FAM135A: variants seen among roughly 807,000 people sequenced by gnomAD.
FAM135A encodes the protein protein FAM135A.
FAM135A carries 79 observed loss-of-function variants against 146.8 expected under a neutral mutation model. The ratio of observed to expected loss-of-function variants is 0.54; its 90% CI spans 0.45 to 0.65. The LOEUF (loss-of-function observed/expected upper bound fraction) is 0.65, where lower values mean the gene tolerates loss of function less well. FAM135A is among the 30% of genes least tolerant of loss of function. FAM135A has a pLI of 0.00. For synonymous variants in FAM135A, 562 were observed against 603.6 expected (o/e 0.93, Z 1.01); for missense variants, 1,623 against 1,758.2 (o/e 0.92, Z 1.38).
chr6:70,502,852 T>C, intron 12 of FAM135A, 61 bp downstream of exon 12: 2 of 1,519,284 alleles, frequency 1.3e-6, no homozygotes, highest in Non-Finnish European at 8.9e-7. Flanking sequence ...TTTAGAAAAT[T>C]TTTATGAAAA....
At position 70,417,592 on chromosome 6, in the gene FAM135A, A is replaced by G. The variant is rs1767845231; in HGVS notation, c.-134+2216A>G. 5 of 984,056 alleles carry G rather than the reference A, an allele frequency of 5.1e-6. No homozygotes were observed. The South Asian group carries it at 1.9e-4, about 37-fold the overall frequency. 61.0% of individuals were successfully genotyped at this position (984,056 alleles called of 1,614,324 possible). On this transcript the variant is annotated intron_variant, in intron 2 of 21. Coordinates refer to ENST00000418814, the MANE Select transcript of FAM135A (RefSeq NM_001162529.3). ...TAATTTAACCTGAACTAGAATAAGTATTCCTTTATTGAAATACCCTTGAAG... is the reference window on the plus strand; with the variant it reads ...TAATTTAACCTGAACTAGAATAAGTGTTCCTTTATTGAAATACCCTTGAAG...
Position 70,490,128 on chromosome 6 carries a change from TAGTC to T in FAM135A, c.824-903_824-900del, listed in dbSNP as rs375293973. On this transcript the variant is annotated intron_variant, in intron 10 of 21. Coordinates refer to ENST00000418814, the MANE Select transcript of FAM135A (RefSeq NM_001162529.3). ...TAAACATTCAGTCTGTTTTACAAATTAGTCAGCTGATGAGTGAATTCAGGGATGT... is the reference window on the plus strand; with the variant it reads ...TAAACATTCAGTCTGTTTTACAAATTAGCTGATGAGTGAATTCAGGGATGT... Among the ~76,000 whole-genome samples, 568 of 152,340 alleles carry T rather than the reference TAGTC, an allele frequency of 3.7e-3. 3 individuals carry two copies. The highest frequency in any genetic ancestry group is 0.013 in the African/African-American group (534 of 41,572).
In FAM135A at chr6:70,559,745, T is replaced by C; in HGVS notation, c.4372T>C (p.Leu1458=). 1 of 1,614,104 alleles carries C rather than the reference T, an allele frequency of 6.2e-7. No individual in the cohort carries two copies. The highest frequency in any genetic ancestry group is 8.5e-7 in the Non-Finnish European group (1 of 1,179,996). Residue 1458 remains leucine, a synonymous_variant, in exon 22 of 22, where the codon TTG becomes CTG. Transcript: ENST00000418814. The stretch of plus-strand genomic sequence containing the variant: ...GATCTATTCAGAAATGATCCACAAC[T>C]TGCTTCGACCCGTTCTGCAAAGCAA... ...GQIYSEMIHN[L]LRPVLQSKDC...
chr6:70,514,363 A>G (rs1791730471), intron 12 of FAM135A, among the ~76,000 whole-genome samples: 1 of 152,010 alleles, frequency 6.6e-6, no homozygotes, highest in South Asian at 2.1e-4. Flanking sequence ...TTCCATTTTT[A>G]TGCTGAGAAG....
chr6:70,513,883 C>G (rs532574798), intron 12 of FAM135A, among the ~76,000 whole-genome samples: 19 of 152,096 alleles, frequency 1.2e-4, no homozygotes, highest in African/African-American at 4.6e-4. Flanking sequence ...GTTATTTATA[C>G]TATTTTTCCC....
At chr6:70,460,388 TTC>T (rs1779198850) in intron 5 of FAM135A, among the ~76,000 whole-genome samples, 1 of 152,214 alleles carries the variant, frequency 6.6e-6, no homozygotes, top group Non-Finnish European at 1.5e-5. Flanking sequence ...TTCTCAAATT[TTC>T]TCTCTTTCTA....
chr6:70,542,794 C>A (rs1001195935), intron 20 of FAM135A, among the ~76,000 whole-genome samples: 1 of 151,892 alleles, frequency 6.6e-6, no homozygotes, highest in Non-Finnish European at 1.5e-5. Context: ...CTTCTTTGGC[C>A]GCCTCTCCTG....
At chr6:70,459,154 T>C (rs1778936896) in intron 5 of FAM135A, among the ~76,000 whole-genome samples, 1 of 152,184 alleles carries the variant, frequency 6.6e-6, no homozygotes, top group Non-Finnish European at 1.5e-5. Context: ...TCTCTATGCT[T>C]TTTATTACCT....
chr6:70,516,899 T>C (rs964158014), intron 12 of FAM135A, among the ~76,000 whole-genome samples: 6 of 152,158 alleles, frequency 3.9e-5, no homozygotes, highest in Admixed American at 3.3e-4. Flanking sequence ...AAGTTAGGAA[T>C]AGCTTGTATA....
chr6:70,557,035 A>T, intron 21 of FAM135A, 172 bp downstream of exon 21: 2 of 614,676 alleles, frequency 3.3e-6, no homozygotes, highest in Non-Finnish European at 5.8e-6. Context: ...TGCCACGTGA[A>T]CTGCCTTTAC....
At chr6:70,534,714 A>C (rs1433307595) in intron 18 of FAM135A, among the ~76,000 whole-genome samples, 1 of 152,178 alleles carries the variant, frequency 6.6e-6, no homozygotes. Flanking sequence ...TCTTGTTAAT[A>C]GATGTAGGAG....
chr6:70,454,133 G>A (rs1390600145), intron 5 of FAM135A, among the ~76,000 whole-genome samples: 2 of 152,178 alleles, frequency 1.3e-5, no homozygotes, highest in Non-Finnish European at 2.9e-5. Context: ...TTGTGGTTTT[G>A]ATTTGCATTT....
intron 20 of FAM135A, among the ~76,000 whole-genome samples, chr6:70,541,472 C>A (rs181184619): frequency 6.6e-5 from 10 of 152,116 alleles, no homozygotes; most frequent in Admixed American, 6.5e-4. Flanking sequence ...TTGTGGGATC[C>A]ACCTCTCCTG....
At chr6:70,481,090 T>C (rs1783621323) in intron 9 of FAM135A, 63 bp downstream of exon 9, 4 of 1,363,032 alleles carry the variant, frequency 2.9e-6, no homozygotes, top group Middle Eastern at 2.0e-4. Flanking sequence ...TTAACAATTT[T>C]ATCTGTGAAT....
rs779795330 is a variant in FAM135A at position 70,526,525 on chromosome 6, C to T, written c.3441C>T (p.Val1147=). The change falls in exon 15 of 22, where the codon GTC becomes GTT. Residue 1147 remains valine (V), a synonymous_variant. Coordinates refer to ENST00000418814, the MANE Select transcript of FAM135A (RefSeq NM_001162529.3). ...YLRDGINMPT[V]CTSGCLSFPS... ...GAGATGGTATAAACATGCCTACTGT[C>T]TGTACTTCTGGTTGTTTGTCCTTCC... The T allele has an allele frequency of 1.2e-6, 2 of 1,613,534 alleles. No homozygotes were observed. The highest frequency in any genetic ancestry group is 2.2e-5 in the East Asian group (1 of 44,862).
At chr6:70,508,926 C>T (rs1270718731) in intron 12 of FAM135A, among the ~76,000 whole-genome samples, 6 of 152,078 alleles carry the variant, frequency 3.9e-5, no homozygotes, top group African/African-American at 1.4e-4. Flanking sequence ...ATCTTAGATA[C>T]GGAAAAGAAT....
At chr6:70,459,484 A>C (rs375271467) in intron 5 of FAM135A, among the ~76,000 whole-genome samples, 129 of 152,310 alleles carry the variant, frequency 8.5e-4, no homozygotes, top group African/African-American at 2.5e-3. Flanking sequence ...GTATTTATAG[A>C]ACTGTTGAAA....
intron 5 of FAM135A, among the ~76,000 whole-genome samples, chr6:70,452,992 A>G (rs969928717): frequency 6.6e-6 from 1 of 152,122 alleles, no homozygotes; most frequent in African/African-American, 2.4e-5. Flanking sequence ...TATTTATGAA[A>G]CAGAGCCAAA....
chr6:70,443,122 A>T (rs975565783), intron 4 of FAM135A, among the ~76,000 whole-genome samples: 2 of 152,184 alleles, frequency 1.3e-5, no homozygotes, highest in Non-Finnish European at 2.9e-5. Context: ...GCCAAATTAC[A>T]TTCCATATGG....
Sources: allele counts gnomAD v4.1 joint callset (sites outside exome capture counted in the v4.1 genomes callset), GRCh38; gene constraint gnomAD v4.1.1; transcripts MANE v1.5; gene names NCBI Gene and HGNC (gene_info 2026-07-23, HGNC 2026-07-21).